IQSEC3: variants seen among roughly 807,000 people sequenced by gnomAD.
IQSEC3 encodes the protein IQ motif and SEC7 domain-containing protein 3.
In IQSEC3, 50 loss-of-function variants were observed where a neutral mutation model predicts 105.4. The ratio of observed to expected loss-of-function variants is 0.47; its 90% CI spans 0.38 to 0.60. The LOEUF is 0.60. Ranked by LOEUF, IQSEC3 falls within the 20% of genes least tolerant of loss-of-function variation. The pLI, the probability that IQSEC3 is intolerant of heterozygous loss-of-function variation, is 0.00. For missense variants in IQSEC3, 1,415 were observed against 1,630.0 expected, an observed-to-expected ratio of 0.87 and a Z score of 2.27; for synonymous variants, 708 against 746.0, an observed-to-expected ratio of 0.95 and a Z score of 0.83.
At chr12:102,503 G>T (rs1555076461) in intron 2 of IQSEC3, among the ~76,000 whole-genome samples, 1 of 152,214 alleles carries the variant, frequency 6.6e-6, no homozygotes, top group Non-Finnish European at 1.5e-5. Context: ...CACTGCAGTG[G>T]CTGCTCATCT....
chr12:149,403 T>C (rs958004191), intron 5 of IQSEC3, among the ~76,000 whole-genome samples: 1 of 152,156 alleles, frequency 6.6e-6, no homozygotes, highest in East Asian at 1.9e-4. Context: ...CCATCACAGG[T>C]CTCGGTGTCA....
intron 1 of IQSEC3, among the ~76,000 whole-genome samples, chr12:97,694 T>C (rs1864282102): frequency 1.3e-5 from 2 of 152,118 alleles, no homozygotes; most frequent in Admixed American, 1.3e-4. Context: ...CACATGCCTG[T>C]AGCTGAGACA....
chr12:73,892 C>T (rs1555068263), intron 1 of IQSEC3, among the ~76,000 whole-genome samples: 2 of 152,266 alleles, frequency 1.3e-5, no homozygotes, highest in Non-Finnish European at 2.9e-5. Flanking sequence ...ATCCACCATC[C>T]CTCTGTGATC....
Position 163,608 on chromosome 12 carries a change from G to A in IQSEC3, c.2698G>A (p.Asp900Asn), listed in dbSNP as rs1555097198. Residue 900 changes from aspartate (D) to asparagine (N), a missense_variant, in exon 9 of 14, where the codon GAC (aspartate) becomes AAC (asparagine). Asp to Asn is a conservative substitution (Grantham distance 23). Transcript: ENST00000538872. ...TCAGAGGGAGGTGTTCCTCTTCAATGACCTGCTGGTGGTGAGTGGCCTCCG... is the reference window on the plus strand; with the variant it reads ...TCAGAGGGAGGTGTTCCTCTTCAATAACCTGCTGGTGGTGAGTGGCCTCCG... The part of the protein sequence containing the change: ...AHQREVFLFN[D>N]LLVILKLCPK... 6.6e-7 allele frequency: 1 copy of A among 1,519,248 alleles called. No individual in the cohort carries two copies. The highest frequency in any genetic ancestry group is 1.1e-5 in the South Asian group (1 of 89,164). The allele number at this position is 1,519,248 out of a possible 1,614,324, so 94.1% of individuals were successfully genotyped here.
intron 1 of IQSEC3, among the ~76,000 whole-genome samples, chr12:83,521 G>A (rs1013703942): frequency 6.6e-6 from 1 of 151,930 alleles, no homozygotes; most frequent in Non-Finnish European, 1.5e-5. Context: ...GAAGACCTCA[G>A]GGGAAAGCGT....
intron 3 of IQSEC3, among the ~76,000 whole-genome samples, chr12:136,226 G>A (rs1449270367): frequency 6.6e-6 from 1 of 151,838 alleles, no homozygotes; most frequent in African/African-American, 2.4e-5. Context: ...AGAGTTGGAT[G>A]TTGGGGGAGA....
In IQSEC3 at chr12:165,707, G is replaced by A. The variant is rs781944715; in HGVS notation, c.2810-22G>A. On this transcript the variant is annotated intron_variant, in intron 10 of 13. Transcript: ENST00000538872. ...GCTGCTGCTGCTCACAGCCCACTGG[G>A]GGCCTGGGGTCTGCTTTCCAGATTA... The A allele has an allele frequency of 1.6e-5, 25 of 1,611,696 alleles. No homozygotes were observed. In the African/African-American group the frequency reaches 2.8e-4, roughly 18 times the overall value.
intron 1 of IQSEC3, among the ~76,000 whole-genome samples, chr12:87,881 T>C (rs1203065587): frequency 6.6e-6 from 1 of 152,190 alleles, no homozygotes; most frequent in African/African-American, 2.4e-5. Flanking sequence ...TTCAAAGTGT[T>C]TTAACTCATT....
intron 2 of IQSEC3, among the ~76,000 whole-genome samples, chr12:112,776 T>G (rs997754723): frequency 2.6e-5 from 4 of 152,146 alleles, no homozygotes; most frequent in Non-Finnish European, 5.9e-5. Context: ...AAATGGCAGG[T>G]GGTGGGGTGC....
chr12:165,419 C>A lies in IQSEC3; in HGVS notation c.2710-15C>A. 6 of 1,605,634 alleles carry A rather than the reference C, an allele frequency of 3.7e-6. No individual in the cohort carries two copies. The highest frequency in any genetic ancestry group is 5.1e-6 in the Non-Finnish European group (6 of 1,172,374). On this transcript the variant is annotated splice_polypyrimidine_tract_variant and intron_variant, in intron 9 of 13. Transcript: ENST00000538872. The stretch of plus-strand genomic sequence containing the variant: ...TCTGTTCATCAGGGCATGCCTGTTT[C>A]CCTCTCCTGAACAGATTCTCAAACT...
intron 2 of IQSEC3, among the ~76,000 whole-genome samples, chr12:112,340 G>A (rs1483091063): frequency 6.6e-6 from 1 of 152,098 alleles, no homozygotes; most frequent in Non-Finnish European, 1.5e-5. Flanking sequence ...CCGAGAAGCA[G>A]GCATCAGCTA....
At chr12:174,130 C>G (rs1407877016) in intron 13 of IQSEC3, among the ~76,000 whole-genome samples, 1 of 152,176 alleles carries the variant, frequency 6.6e-6, no homozygotes, top group Non-Finnish European at 1.5e-5. Context: ...GCCAATGATC[C>G]TTCCTCTATA....
intron 3 of IQSEC3, among the ~76,000 whole-genome samples, chr12:127,183 G>C (rs781946327): frequency 4.6e-5 from 7 of 152,212 alleles, no homozygotes; most frequent in African/African-American, 7.2e-5. Flanking sequence ...AAAGCTGAAA[G>C]AGAACAGCTG....
chr12:79,152 A>G (rs1195048849), intron 1 of IQSEC3, among the ~76,000 whole-genome samples: 1 of 151,962 alleles, frequency 6.6e-6, no homozygotes, highest in Non-Finnish European at 1.5e-5. Context: ...CTCCGAGAAC[A>G]CAGAGGGAGC....
intron 2 of IQSEC3, among the ~76,000 whole-genome samples, chr12:107,403 T>G (rs1334789628): frequency 2.9e-5 from 1 of 34,282 alleles, no homozygotes; most frequent in African/African-American, 9.1e-5. Flanking sequence ...GTCTGTTTTC[T>G]TTTTTTTTTT....
chr12:151,519 TAA>T (rs1315946103), intron 5 of IQSEC3, among the ~76,000 whole-genome samples: 1 of 152,220 alleles, frequency 6.6e-6, no homozygotes, highest in Non-Finnish European at 1.5e-5. Context: ...AGTAGCATCC[TAA>T]CTGGGCCCCT....
Position 171,119 on chromosome 12 carries a change from G to C in IQSEC3, c.3072G>C (p.Arg1024Ser). ...QSKQGSPTAKREAALRERPAE... is the reference protein window; with the variant it reads ...QSKQGSPTAKSEAALRERPAE... ...TGCTCTTTGCATTCAAAGCCAAAAGGGAAGCCGCGCTCAGGGAGAGGCCGG... is the reference window on the plus strand; with the variant it reads ...TGCTCTTTGCATTCAAAGCCAAAAGCGAAGCCGCGCTCAGGGAGAGGCCGG... The change falls in exon 13 of 14, where the codon AGG becomes AGC. Residue 1024 changes from arginine (R) to serine (S), a missense_variant. By Grantham distance (110) the Arg-to-Ser change is moderately radical. Transcript: ENST00000538872. 6.2e-7 allele frequency: 1 copy of C among 1,614,000 alleles called. No homozygotes were observed. The highest frequency in any genetic ancestry group is 1.1e-5 in the South Asian group (1 of 91,072).
At chr12:144,513 G>GAAGAGCCGATGAGA (rs1555090409) in intron 5 of IQSEC3, 1 of 152,226 alleles carries the variant, frequency 6.6e-6, no homozygotes, top group Non-Finnish European at 1.5e-5. Flanking sequence ...AGCCGATGAG[G>GAAGAGCCGATGAGA]AAGAGCCGAT....
intron 2 of IQSEC3, among the ~76,000 whole-genome samples, chr12:125,306 C>T (rs967859138): frequency 6.6e-6 from 1 of 152,180 alleles, no homozygotes; most frequent in African/African-American, 2.4e-5. Flanking sequence ...GGCTGAGTGA[C>T]CTGCTCAGGG....
Sources: allele counts gnomAD v4.1 joint callset (sites outside exome capture counted in the v4.1 genomes callset), GRCh38; gene constraint gnomAD v4.1.1; transcripts MANE v1.5; gene names NCBI Gene and HGNC (gene_info 2026-07-23, HGNC 2026-07-21).